Variants in ULK4 observed in about 807,000 individuals in gnomAD.
The protein encoded by ULK4 is inactive serine/threonine-protein kinase ULK4.
Under a neutral mutation model 160.6 loss-of-function variants are expected in ULK4, and 133 were observed. The observed-to-expected ratio is 0.83, with a 90% CI of 0.72 to 0.96. The LOEUF is 0.96. Among genes scored for constraint, ULK4 ranks in the 40% least tolerant of loss-of-function variants. ULK4 has a pLI of 0.00. For synonymous variants in ULK4, 534 were observed against 539.8 expected (o/e 0.99, Z 0.15); for missense variants, 1,580 against 1,499.5 (o/e 1.05, Z -0.89).
chr3:41,712,691 A>T (rs1031323123), intron 25 of ULK4, among the ~76,000 whole-genome samples: 24 of 152,176 alleles, frequency 1.6e-4, no homozygotes, highest in Non-Finnish European at 3.1e-4. Flanking sequence ...GGAGTTCAAG[A>T]CCAGCTCAGG....
chr3:41,575,027 A>G (rs2125619432), intron 31 of ULK4, among the ~76,000 whole-genome samples: 1 of 152,294 alleles, frequency 6.6e-6, no homozygotes, highest in South Asian at 2.1e-4. Flanking sequence ...GGAAGCCACA[A>G]AAATCATCAG....
At chr3:41,936,056 G>A (rs139769812) in intron 3 of ULK4, 116 bp from the exon 4 acceptor site, 19,409 of 1,340,150 alleles carry the variant, frequency 0.014, 216 homozygotes, top group Non-Finnish European at 0.018. Context: ...AGTAAACGCT[G>A]ACAGCCTGGT....
chr3:41,568,604 G>C (rs1427937376), intron 31 of ULK4, among the ~76,000 whole-genome samples: 2 of 152,252 alleles, frequency 1.3e-5, no homozygotes, highest in South Asian at 2.1e-4. Flanking sequence ...CAACTAGCTA[G>C]CCTCCATACA....
At chr3:41,868,032 A>C (rs963467675) in intron 17 of ULK4, among the ~76,000 whole-genome samples, 5 of 152,344 alleles carry the variant, frequency 3.3e-5, no homozygotes, top group Middle Eastern at 3.4e-3. Context: ...TTTTATGGCC[A>C]AGAATATGGT....
chr3:41,483,602 T>C (rs2084403154), intron 32 of ULK4, among the ~76,000 whole-genome samples: 1 of 152,180 alleles, frequency 6.6e-6, no homozygotes. Flanking sequence ...TTTAGAAGAC[T>C]CAATCCTCAT....
At chr3:41,624,299 A>G (rs2033386468) in intron 30 of ULK4, among the ~76,000 whole-genome samples, 1 of 152,242 alleles carries the variant, frequency 6.6e-6, no homozygotes, top group Non-Finnish European at 1.5e-5. Context: ...TACATCTCAG[A>G]GTTGCCCTGG....
intron 12 of ULK4, among the ~76,000 whole-genome samples, chr3:41,902,043 G>A (rs1191286967): frequency 1.3e-5 from 2 of 151,850 alleles, no homozygotes; most frequent in African/African-American, 4.8e-5. Flanking sequence ...CTAGTGCTAT[G>A]CCTCAGTATT....
At chr3:41,264,790 G>A (rs1244064251) in intron 35 of ULK4, among the ~76,000 whole-genome samples, 2 of 152,166 alleles carry the variant, frequency 1.3e-5, no homozygotes, top group Admixed American at 1.3e-4. Flanking sequence ...TTAATACATG[G>A]TGGAATTTTT....
intron 34 of ULK4, among the ~76,000 whole-genome samples, chr3:41,454,918 G>A (rs887367375): frequency 4.0e-5 from 6 of 151,890 alleles, no homozygotes; most frequent in Non-Finnish European, 8.8e-5. Context: ...GGCTGGTCTC[G>A]AACACCTGAT....
At chr3:41,547,075 A>T (rs1032898779) in intron 32 of ULK4, among the ~76,000 whole-genome samples, 1 of 152,228 alleles carries the variant, frequency 6.6e-6, no homozygotes, top group Non-Finnish European at 1.5e-5. Flanking sequence ...TGTTACTACC[A>T]GTCACTGTCA....
rs189106525 is a variant in ULK4 at position 41,340,606 on chromosome 3, C to T, written c.3678+57473G>A. ...AGTAAAAATTGATAAAAATTAAAAT[C>T]CAGTTCCTCAACAGTATGAGACACA... is the stretch of plus-strand genomic sequence containing the variant. On this transcript the variant is annotated intron_variant, in intron 35 of 36. Transcript: ENST00000301831. 2.6e-5 allele frequency among the ~76,000 whole-genome samples: 4 copies of T among 152,310 alleles called. No individual in the cohort carries two copies. In the East Asian group the frequency reaches 5.8e-4, roughly 22 times the overall value.
chr3:41,699,236 G>C (rs986937844), intron 27 of ULK4, among the ~76,000 whole-genome samples: 6 of 152,086 alleles, frequency 3.9e-5, no homozygotes, highest in Non-Finnish European at 5.9e-5. Context: ...GGTTCCATTT[G>C]CTCTATGTCC....
intron 32 of ULK4, among the ~76,000 whole-genome samples, chr3:41,524,129 G>T (rs993087947): frequency 1.3e-5 from 2 of 152,122 alleles, no homozygotes; most frequent in Non-Finnish European, 2.9e-5. Context: ...TGATTTAGGG[G>T]GATTGGTGAG....
intron 16 of ULK4, among the ~76,000 whole-genome samples, chr3:41,890,768 C>T (rs559322564): frequency 2.2e-4 from 2 of 9,134 alleles, no homozygotes; most frequent in Non-Finnish European, 4.4e-4. Context: ...ACGGGAGGGA[C>T]GGGAGGGACA....
intron 35 of ULK4, among the ~76,000 whole-genome samples, chr3:41,292,685 C>G (rs752362338): frequency 7.9e-5 from 12 of 152,252 alleles, no homozygotes; most frequent in African/African-American, 2.4e-4. Flanking sequence ...GTGGCTCACA[C>G]CTGTAATCCC....
chr3:41,909,687 C>G (rs908132278), intron 11 of ULK4, among the ~76,000 whole-genome samples: 1 of 151,942 alleles, frequency 6.6e-6, no homozygotes, highest in Non-Finnish European at 1.5e-5. Context: ...TGCACTCCAG[C>G]CTGGGCGACA....
At chr3:41,588,511 C>T (rs1290158997) in intron 31 of ULK4, among the ~76,000 whole-genome samples, 1 of 152,166 alleles carries the variant, frequency 6.6e-6, no homozygotes, top group Non-Finnish European at 1.5e-5. Context: ...CTGAGAAGAA[C>T]AGGCAACCAA....
intron 25 of ULK4, among the ~76,000 whole-genome samples, chr3:41,707,223 T>A (rs550413026): frequency 6.6e-6 from 1 of 152,116 alleles, no homozygotes; most frequent in Non-Finnish European, 1.5e-5. Flanking sequence ...AGAGTAACCA[T>A]TAAAATGCTA....
chr3:41,370,333 A>G (rs1356744806), intron 35 of ULK4, among the ~76,000 whole-genome samples: 1 of 152,212 alleles, frequency 6.6e-6, no homozygotes, highest in Non-Finnish European at 1.5e-5. Flanking sequence ...TTTATGATAA[A>G]TAAGTGTTTA....
Sources: gnomAD v4.1 joint callset for allele counts (sites outside exome capture counted in the v4.1 genomes callset) on GRCh38, gnomAD v4.1.1 for gene constraint, MANE v1.5 for transcripts, NCBI Gene and HGNC (gene_info 2026-07-23, HGNC 2026-07-21) for gene names.